Variants in SKIC8 observed in about 807,000 individuals in gnomAD.
The protein encoded by SKIC8 is SKI8 subunit of superkiller complex, also known as superkiller complex protein 8.
At chr15:78,286,015 A>T in the SKIC8 span, 1 of 1,591,258 alleles carries the variant, frequency 6.3e-7, no homozygotes, top group Non-Finnish European at 8.6e-7. Context: ...CCAGCATTTT[A>T]GAAACTGCTA....
chr15:78,291,946 TC>T, the SKIC8 span: 1 of 152,264 alleles, frequency 6.6e-6, no homozygotes, highest in Non-Finnish European at 1.5e-5. Flanking sequence ...TCCTGAAATG[TC>T]CTCTGCTGCT....
the SKIC8 span, chr15:78,293,439 T>C: frequency 1.8e-5 from 11 of 607,288 alleles, no homozygotes; most frequent in East Asian, 1.2e-4. Context: ...CATATGAAAA[T>C]TGGAGGTTCT....
the SKIC8 span, among the ~76,000 whole-genome samples, chr15:78,298,357 A>G: frequency 3.3e-5 from 5 of 152,220 alleles, no homozygotes; most frequent in African/African-American, 1.2e-4. Context: ...TCCTATTTTA[A>G]GTAATACACA....
the SKIC8 span, among the ~76,000 whole-genome samples, chr15:78,299,160 T>G: frequency 3.1e-3 from 473 of 152,342 alleles, 1 homozygote; most frequent in African/African-American, 0.011. Flanking sequence ...ACCCAGCCTC[T>G]GTCTGTACCC....
chr15:78,294,782 TTG>T, the SKIC8 span: 3 of 617,458 alleles, frequency 4.9e-6, no homozygotes, highest in Admixed American at 3.0e-5. Flanking sequence ...GTTGTTGTTG[TTG>T]TTGTTGTCTG....
At chr15:78,285,565 CT>C in the SKIC8 span, 1 of 571,134 alleles carries the variant, frequency 1.8e-6, no homozygotes, top group African/African-American at 1.9e-5. Flanking sequence ...CTCCAGGAGT[CT>C]CAGACACAGC....
the SKIC8 span, chr15:78,285,903 A>C: frequency 1.5e-6 from 1 of 660,890 alleles, no homozygotes; most frequent in Non-Finnish European, 2.4e-6. Flanking sequence ...TCACTAAATA[A>C]AAATTTTAAG....
At chr15:78,292,995 T>C in the SKIC8 span, 2 of 824,018 alleles carry the variant, frequency 2.4e-6, no homozygotes, top group Non-Finnish European at 3.8e-6. Context: ...AGGGCTTTAA[T>C]ACAGAGTAAC....
the SKIC8 span, chr15:78,292,715 GGCTGATGTCCACAGACACCACTCCCA>G: frequency 6.2e-7 from 1 of 1,614,064 alleles, no homozygotes; most frequent in South Asian, 1.1e-5. Flanking sequence ...GGCAGGGTGT[GGCTGATGTCCACAGACACCACTCCCA>G]GCTGATGTCC....
the SKIC8 span, chr15:78,285,511 AT>A: frequency 1.6e-6 from 1 of 612,010 alleles, no homozygotes; most frequent in Middle Eastern, 4.1e-4. Context: ...CAGGGTAGCC[AT>A]TTTCCTGAAA....
At chr15:78,285,443 A>G in the SKIC8 span, 2 of 935,958 alleles carry the variant, frequency 2.1e-6, no homozygotes, top group East Asian at 2.6e-5. Flanking sequence ...CCCCAACCCC[A>G]TGCCTCGGTA....
the SKIC8 span, chr15:78,292,531 G>C: frequency 6.4e-7 from 1 of 1,564,250 alleles, no homozygotes; most frequent in East Asian, 2.3e-5. Context: ...AAAAAATTCT[G>C]AGCTGTAAAA....
At chr15:78,283,769 A>C in the SKIC8 span, 1 of 354,818 alleles carries the variant, frequency 2.8e-6, no homozygotes, top group Non-Finnish European at 5.1e-6. Flanking sequence ...TACAGTACTA[A>C]TCAAGACTAT....
At chr15:78,295,984 C>T in the SKIC8 span, 160 of 346,846 alleles carry the variant, frequency 4.6e-4, no homozygotes, top group Middle Eastern at 4.5e-3. Context: ...CTGCAGAGAG[C>T]GACCAGTCTC....
chr15:78,293,326 G>A, the SKIC8 span: 7 of 1,472,458 alleles, frequency 4.8e-6, no homozygotes, highest in Non-Finnish European at 6.6e-6. Context: ...ACTTAATGAA[G>A]CCGAGATACT....
the SKIC8 span, chr15:78,294,792 C>A: frequency 1.7e-6 from 1 of 589,306 alleles, no homozygotes; most frequent in Non-Finnish European, 2.8e-6. Flanking sequence ...TTGTTGTTGT[C>A]TGTTTTTTAA....
chr15:78,293,249 C>T, the SKIC8 span: 1 of 1,614,168 alleles, frequency 6.2e-7, no homozygotes, highest in Non-Finnish European at 8.5e-7. Context: ...CCCCAAGCAA[C>T]TGACCAAATG....
chr15:78,288,648 C>T, the SKIC8 span, among the ~76,000 whole-genome samples: 1 of 152,168 alleles, frequency 6.6e-6, no homozygotes, highest in Admixed American at 6.5e-5. Context: ...TTTTCTACTA[C>T]AAATATGGCC....
At chr15:78,295,988 C>T in the SKIC8 span, 6 of 342,818 alleles carry the variant, frequency 1.8e-5, no homozygotes, top group South Asian at 2.7e-4. Flanking sequence ...AGAGAGCGAC[C>T]AGTCTCTGTC....
Sources: allele counts gnomAD v4.1 joint callset (sites outside exome capture counted in the v4.1 genomes callset), GRCh38; gene constraint gnomAD v4.1.1; transcripts MANE v1.5; gene names NCBI Gene and HGNC (gene_info 2026-07-23, HGNC 2026-07-21).